ZNF592: variants seen among roughly 807,000 people sequenced by gnomAD.
ZNF592 encodes the protein spinocerebellar ataxia, autosomal recessive 5.
Under a neutral mutation model 80.3 loss-of-function variants are expected in ZNF592, and 11 were observed. That is an observed-to-expected ratio of 0.14 (90% CI 0.09 to 0.23). The LOEUF is 0.23. Among genes scored for constraint, ZNF592 ranks in the 10% least tolerant of loss-of-function variants. ZNF592 has a pLI of 1.00. For missense variants in ZNF592, 1,420 were observed against 1,633.9 expected (o/e 0.87, Z 2.26); for synonymous variants, 646 against 640.3 (o/e 1.01, Z -0.13).
chr15:84,758,533 C>T (rs1899249733), intron 1 of ZNF592, among the ~76,000 whole-genome samples: 3 of 152,232 alleles, frequency 2.0e-5, no homozygotes, highest in Non-Finnish European at 4.4e-5. Flanking sequence ...ATCGGCCCCT[C>T]TTGGCATCCC....
chr15:84,796,936 G>A (rs959967321), intron 5 of ZNF592, among the ~76,000 whole-genome samples: 1 of 151,942 alleles, frequency 6.6e-6, no homozygotes, highest in Non-Finnish European at 1.5e-5. Flanking sequence ...TATTTAAATA[G>A]CCACGTGGCC....
intron 1 of ZNF592, among the ~76,000 whole-genome samples, chr15:84,750,303 AAAAT>A (rs1189643789): frequency 1.3e-5 from 2 of 152,266 alleles, no homozygotes; most frequent in Admixed American, 6.5e-5. Flanking sequence ...ACTCCATCTC[AAAAT>A]AAATAAATAG....
At position 84,801,865 on chromosome 15, in the gene ZNF592, G is replaced by A. The variant is rs151137701; in HGVS notation, c.3276G>A (p.Val1092=). The A allele has an allele frequency of 6.2e-7, 1 of 1,613,804 alleles. No homozygotes were observed. The highest frequency in any genetic ancestry group is 1.1e-5 in the South Asian group (1 of 91,072). ...GCTCATGCTGTCTCTCCTTTTAGGT[G>A]AACCATCTGAAAAGACCAGTCAGTG... The part of the protein sequence containing the change: ...VKPPGGHSPQ[V]NHLKRPVSGV... The change falls in exon 11 of 11, where the codon GTG becomes GTA. Residue 1092 remains valine (V), a splice_region_variant and synonymous_variant. Transcript: ENST00000560079.
At position 84,799,179 on chromosome 15, in the gene ZNF592, C is replaced by A; in HGVS notation, c.3106C>A (p.His1036Asn). The A allele has an allele frequency of 1.9e-6, 3 of 1,614,090 alleles. No homozygotes were observed. Among genetic ancestry groups the A allele is most frequent in the Non-Finnish European group, 2.5e-6 (3 of 1,180,022 alleles). The change falls in exon 9 of 11, where the codon CAT becomes AAT. Residue 1036 changes from histidine to asparagine, a missense_variant. Transcript: ENST00000560079. This position sits in a 1 kb window ranked among gnomAD's most constrained non-coding sequence, Gnocchi z 4.2. ...CCTGCGCAAACACATCCGCAACAAC[C>A]ATGACACAGTAAAGAAGTTCTACAC... ...NSLRKHIRNNHDTVKKFYTCG... is the reference protein window; with the variant it reads ...NSLRKHIRNNNDTVKKFYTCG...
Position 84,757,974 on chromosome 15 carries a change from T to C in ZNF592, c.-258-6733T>C, listed in dbSNP as rs1018948474. Among the ~76,000 whole-genome samples, 5 of 148,354 alleles carry C rather than the reference T, an allele frequency of 3.4e-5. No individual in the cohort carries two copies. In the East Asian group the frequency reaches 8.0e-4, roughly 24 times the overall value. ...ACTGTGCCCAGCCGTTAATCCTTTT[T>C]TTTTTTCTTTTTTTTTGAAATGGAG... On this transcript the variant is annotated intron_variant, in intron 1 of 10. Coordinates refer to ENST00000560079, the MANE Select transcript of ZNF592 (RefSeq NM_014630.3).
Position 84,803,428 on chromosome 15 carries a change from CCTT to C in ZNF592, c.*1038_*1040del, listed in dbSNP as rs1963156425. ...AATACTTCCTACTGTCTAAGGAAGGCCTTCTCTAGATTCTGGAGCTTGTGGTTA... is the reference window on the plus strand; with the variant it reads ...AATACTTCCTACTGTCTAAGGAAGGCCTCTAGATTCTGGAGCTTGTGGTTA... On this transcript the variant is annotated 3_prime_UTR_variant, in exon 11 of 11. Coordinates refer to ENST00000560079, the MANE Select transcript of ZNF592 (RefSeq NM_014630.3). The C allele has an allele frequency of 6.6e-6, 1 of 152,612 alleles. No individual in the cohort carries two copies. The highest frequency in any genetic ancestry group is 1.5e-5 in the Non-Finnish European group (1 of 68,080). 9.5% of individuals were successfully genotyped at this position (152,612 alleles called of 1,614,324 possible). A position where few individuals can be genotyped will look rare whatever the true frequency, so the allele number is the denominator to read the frequency against.
rs201985008 is a variant in ZNF592 at position 84,794,598 on chromosome 15, T to C, written c.2400-3271T>C. 4.6e-5 allele frequency among the ~76,000 whole-genome samples: 7 copies of C among 152,102 alleles called. No homozygotes were observed. The East Asian group carries it at 1.4e-3, about 29-fold the overall frequency. On this transcript the variant is annotated intron_variant, in intron 5 of 10. Transcript: ENST00000560079. ...TTCAAGCACTTCTCCCACCTCAGCC[T>C]CCTGAATAGCTGGGATTACAGACGC... is the stretch of plus-strand genomic sequence containing the variant.
intron 2 of ZNF592, among the ~76,000 whole-genome samples, chr15:84,772,092 G>T (rs1185931357): frequency 6.6e-6 from 1 of 152,142 alleles, no homozygotes; most frequent in Non-Finnish European, 1.5e-5. Context: ...ATTCCATGTG[G>T]TCACAATTCC....
rs367671645 is a variant in ZNF592, at chr15:84,799,170, C to T, written c.3097C>T (p.Arg1033Cys). The change falls in exon 9 of 11, where the codon CGC (arginine) becomes TGC (cysteine). Residue 1033 changes from arginine to cysteine, a missense_variant. Physicochemically the swap from Arg to Cys is radical, Grantham distance 180. Around this residue, in one of 7 missense-constraint regions of ZNF592, gnomAD observed 331 missense variants for 347.0 expected, o/e 0.95. Transcript: ENST00000560079. The surrounding 1 kb of genome is among the most constrained non-coding windows in gnomAD (Gnocchi z 4.2). ...CCCCAACAGCCTGCGCAAACACATC[C>T]GCAACAACCATGACACAGTAAAGAA... is the stretch of plus-strand genomic sequence containing the variant. ...HTPNSLRKHIRNNHDTVKKFY... is the reference protein window; with the variant it reads ...HTPNSLRKHICNNHDTVKKFY... The T allele has an allele frequency of 6.2e-6, 10 of 1,614,010 alleles. No homozygotes were observed. Among genetic ancestry groups the T allele is most frequent in the African/African-American group, 1.3e-5 (1 of 74,892 alleles).
At chr15:84,754,802 A>G (rs1442894579) in intron 1 of ZNF592, among the ~76,000 whole-genome samples, 1 of 151,860 alleles carries the variant, frequency 6.6e-6, no homozygotes, top group Non-Finnish European at 1.5e-5. Context: ...TGTGTGATAG[A>G]TTGTAGAACG....
chr15:84,800,111 G>T, intron 10 of ZNF592, 134 bp downstream of exon 10: 5 of 1,379,960 alleles, frequency 3.6e-6, no homozygotes, highest in Non-Finnish European at 4.1e-6. Flanking sequence ...TCACTCTCTA[G>T]TCCTGTGTGA....
chr15:84,754,963 G>GTTTT (rs36104262), intron 1 of ZNF592, among the ~76,000 whole-genome samples: 1 of 110,686 alleles, frequency 9.0e-6, no homozygotes, highest in Non-Finnish European at 1.8e-5. Context: ...CCCCTGAGTT[G>GTTTT]TTTTTTTTTT....
intron 4 of ZNF592, among the ~76,000 whole-genome samples, chr15:84,787,708 C>A (rs149256890): frequency 1.7e-3 from 261 of 152,302 alleles, no homozygotes; most frequent in African/African-American, 6.0e-3. Context: ...CCACCCAACA[C>A]AATTAATAAC....
intron 3 of ZNF592, among the ~76,000 whole-genome samples, chr15:84,780,023 A>G (rs369003521): frequency 1.6e-4 from 19 of 117,830 alleles, no homozygotes; most frequent in East Asian, 1.6e-3. Context: ...GTCTTGGTCT[A>G]TTGCCCAGGC....
chr15:84,752,163 T>G (rs1899032986), intron 1 of ZNF592, among the ~76,000 whole-genome samples: 5 of 152,230 alleles, frequency 3.3e-5, no homozygotes, highest in Admixed American at 3.3e-4. Flanking sequence ...ATTTCTTGAA[T>G]TTCGTGTGAC....
At chr15:84,782,576 C>T (rs1962448983) in intron 3 of ZNF592, 81 bp from the exon 4 acceptor site, 2 of 1,285,380 alleles carry the variant, frequency 1.6e-6, no homozygotes, top group East Asian at 4.6e-5. Flanking sequence ...GCTGTGTGTG[C>T]ATTAGTTTGA....
rs1475774969 is a variant in ZNF592 at position 84,783,642 on chromosome 15, C to T, written c.967C>T (p.Pro323Ser). Residue 323 changes from proline (P) to serine (S), a missense_variant, in exon 4 of 11, where the codon CCC becomes TCC. Pro to Ser is a moderately conservative substitution (Grantham distance 74). This residue lies in a region of ZNF592 where 524 missense variants were observed against 628.3 expected (regional missense o/e 0.83). Transcript: ENST00000560079. The surrounding 1 kb of genome is among the most constrained non-coding windows in gnomAD (Gnocchi z 5.0). ...CACTAAAGAGAGTTCTAAAGGTAGC[C>T]CCAAAATGCCCAAGTCACCAAAGAG... ...GPTKESSKGS[P>S]KMPKSPKSPR... 1 of 1,614,150 alleles carries T rather than the reference C, an allele frequency of 6.2e-7. No homozygotes were observed. Among genetic ancestry groups the T allele is most frequent in the Non-Finnish European group, 8.5e-7 (1 of 1,180,022 alleles).
At chr15:84,801,784 T>A (rs1220863424) in intron 10 of ZNF592, 79 bp from the exon 11 acceptor site, 1 of 1,609,522 alleles carries the variant, frequency 6.2e-7, no homozygotes, top group East Asian at 2.2e-5. Flanking sequence ...TTTCTTTGAG[T>A]CCTTGGGCTC....
rs1034285263 is a variant in ZNF592 at position 84,797,779 on chromosome 15, C to T, written c.2400-90C>T. 2.7e-6 allele frequency: 4 copies of T among 1,460,476 alleles called. No homozygotes were observed. In the African/African-American group the frequency reaches 4.2e-5, roughly 15 times the overall value. 90.5% of individuals were successfully genotyped at this position (1,460,476 alleles called of 1,614,324 possible). On this transcript the variant is annotated intron_variant, in intron 5 of 10. Coordinates refer to ENST00000560079, the MANE Select transcript of ZNF592 (RefSeq NM_014630.3). ...AGAAGGTGCCTGGATAGTTCTGTTC[C>T]TCTTCTCCATCCCTCCTCTTGCAGC... is the stretch of plus-strand genomic sequence containing the variant.
Sources: gnomAD v4.1 joint callset for allele counts (sites outside exome capture counted in the v4.1 genomes callset) on GRCh38, gnomAD v4.1.1 for gene constraint, gnomAD v4.1.1 regional missense constraint, Gnocchi (gnomAD v3.1) non-coding constraint, MANE v1.5 for transcripts, NCBI Gene and HGNC (gene_info 2026-07-23, HGNC 2026-07-21) for gene names.